The following SCAF4 variants were observed in gnomAD, a reference collection of about 807,000 sequenced individuals.
The protein encoded by SCAF4 is SR-related and CTD-associated factor 4.
A neutral mutation model predicts 129.8 loss-of-function variants in SCAF4; 25 were observed. The observed-to-expected ratio is 0.19, with a 90% confidence interval of 0.14 to 0.27. SCAF4 has a LOEUF of 0.27. Among genes scored for constraint, SCAF4 ranks in the 10% least tolerant of loss-of-function variants. SCAF4 has a pLI of 1.00. For missense variants in SCAF4, 1,246 were observed against 1,457.1 expected (o/e 0.86, Z 2.36); for synonymous variants, 551 against 497.7 (o/e 1.11, Z -1.43).
At chr21:31,723,609 G>GTTTGTGT (rs112184778) in intron 1 of SCAF4, among the ~76,000 whole-genome samples, 12 of 146,038 alleles carry the variant, frequency 8.2e-5, no homozygotes, top group African/African-American at 3.0e-4. Flanking sequence ...TGATTTATAT[G>GTTTGTGT]ATGTGTGTGT....
chr21:31,685,852 G>C, intron 16 of SCAF4, 119 bp from the exon 17 acceptor site: 4 of 931,932 alleles, frequency 4.3e-6, no homozygotes, highest in Non-Finnish European at 6.3e-6. Context: ...GTGCTTATTA[G>C]ACCAATTTAT....
At chr21:31,702,108 A>C (rs1322645573) in intron 5 of SCAF4, 136 bp downstream of exon 5, 1 of 1,352,534 alleles carries the variant, frequency 7.4e-7, no homozygotes, top group Non-Finnish European at 1.0e-6. Flanking sequence ...AATTATGGAA[A>C]GAAAATCATA....
At chr21:31,725,928 T>G (rs1213789157) in intron 1 of SCAF4, among the ~76,000 whole-genome samples, 1 of 152,204 alleles carries the variant, frequency 6.6e-6, no homozygotes, top group Non-Finnish European at 1.5e-5. Flanking sequence ...TGTAATAAGT[T>G]TATTGTTATT....
intron 1 of SCAF4, among the ~76,000 whole-genome samples, chr21:31,721,446 C>T (rs2051064736): frequency 6.6e-6 from 1 of 152,078 alleles, no homozygotes; most frequent in Non-Finnish European, 1.5e-5. Flanking sequence ...TTCCTTTAAG[C>T]AGGGTATTAT....
At position 31,672,070 on chromosome 21, in the gene SCAF4, C is replaced by G. The variant is rs774240859; in HGVS notation, c.2773G>C (p.Gly925Arg). Residue 925 changes from glycine to arginine, a missense_variant, in exon 20 of 20, where the codon GGG (glycine) becomes CGG (arginine). Physicochemically the swap from Gly to Arg is moderately radical, Grantham distance 125. Around this residue, in one of 6 missense-constraint regions of SCAF4, gnomAD observed 339 missense variants for 325.0 expected, o/e 1.04. Transcript: ENST00000286835. Reference sequence around the variant, plus strand: ...CCCCCTGGGCCTGGCCCTGGGCCCCCGAGCCCTGGCATTCCACCAGGCCTA... The same window carrying G: ...CCCCCTGGGCCTGGCCCTGGGCCCCGGAGCCCTGGCATTCCACCAGGCCTA... ...FVRPGGMPGLGGPGPGPGGPE... is the reference protein window; with the variant it reads ...FVRPGGMPGLRGPGPGPGGPE... The G allele has an allele frequency of 6.2e-7, 1 of 1,613,272 alleles. No homozygotes were observed. Among genetic ancestry groups the G allele is most frequent in the South Asian group, 1.1e-5 (1 of 91,062 alleles).
chr21:31,696,452 A>T, intron 8 of SCAF4, 117 bp downstream of exon 8: 2 of 1,127,966 alleles, frequency 1.8e-6, no homozygotes, highest in Non-Finnish European at 2.4e-6. Flanking sequence ...AACTAATACC[A>T]CAAATTTTAC....
intron 4 of SCAF4, 89 bp from the exon 5 acceptor site, chr21:31,702,468 T>C (rs867910744): frequency 8.7e-7 from 1 of 1,155,288 alleles, no homozygotes; most frequent in Middle Eastern, 2.7e-4. Context: ...GAAAACTCCC[T>C]AGGCTAATAT....
At chr21:31,682,164 AG>A (rs2123487050) in intron 19 of SCAF4, among the ~76,000 whole-genome samples, 1 of 152,274 alleles carries the variant, frequency 6.6e-6, no homozygotes, top group African/African-American at 2.4e-5. Context: ...GTGGCTCACG[AG>A]GTCAAGAGAT....
intron 19 of SCAF4, 64 bp from the exon 20 acceptor site, chr21:31,672,418 TTC>T (rs766335442): frequency 7.1e-6 from 9 of 1,261,486 alleles, no homozygotes; most frequent in Non-Finnish European, 1.0e-5. Flanking sequence ...TTCAGCTGTG[TTC>T]TGTGGCGCTT....
At chr21:31,683,198 T>C (rs2050035761) in intron 19 of SCAF4, among the ~76,000 whole-genome samples, 1 of 152,178 alleles carries the variant, frequency 6.6e-6, no homozygotes, top group Non-Finnish European at 1.5e-5. Context: ...ATGTAACAAA[T>C]GTTCCCCTCT....
At chr21:31,701,538 T>C (rs1000782791) in intron 6 of SCAF4, among the ~76,000 whole-genome samples, 2 of 152,208 alleles carry the variant, frequency 1.3e-5, no homozygotes, top group Non-Finnish European at 2.9e-5. Context: ...ATGAGCCACT[T>C]AGTAGTTCTA....
intron 16 of SCAF4, among the ~76,000 whole-genome samples, chr21:31,686,595 A>T (rs1371758659): frequency 6.8e-6 from 1 of 147,604 alleles, no homozygotes; most frequent in East Asian, 2.0e-4. Context: ...AACGTTAGCT[A>T]TTTTTTTTTT....
In SCAF4 at chr21:31,711,297, T is replaced by C. The variant is rs1360160384; in HGVS notation, c.31-4940A>G. 3.3e-5 allele frequency among the ~76,000 whole-genome samples: 5 copies of C among 152,236 alleles called. No homozygotes were observed. In the East Asian group the frequency reaches 7.7e-4, roughly 23 times the overall value. ...TGCTGTTAATATTTTATTGACTTATTTAATGCACAAATTCACCAAACGGTC... is the reference window on the plus strand; with the variant it reads ...TGCTGTTAATATTTTATTGACTTATCTAATGCACAAATTCACCAAACGGTC... On this transcript the variant is annotated intron_variant, in intron 1 of 19. Coordinates refer to ENST00000286835, the MANE Select transcript of SCAF4 (RefSeq NM_020706.2).
At chr21:31,704,735 A>C (rs1257034297) in intron 3 of SCAF4, among the ~76,000 whole-genome samples, 2 of 152,194 alleles carry the variant, frequency 1.3e-5, no homozygotes, top group Admixed American at 1.3e-4. Context: ...TATTGCAGTT[A>C]ATTTGTTGAC....
intron 1 of SCAF4, among the ~76,000 whole-genome samples, chr21:31,711,296 T>G (rs933622084): frequency 1.3e-5 from 2 of 152,232 alleles, no homozygotes; most frequent in African/African-American, 2.4e-5. Flanking sequence ...TATTGACTTA[T>G]TTAATGCACA....
At chr21:31,724,255 A>C (rs1228866618) in intron 1 of SCAF4, among the ~76,000 whole-genome samples, 1 of 152,196 alleles carries the variant, frequency 6.6e-6, no homozygotes, top group Non-Finnish European at 1.5e-5. Context: ...AAATGTAGAC[A>C]TGTCTCTCCT....
chr21:31,707,606 T>G (rs1022332876), intron 1 of SCAF4, among the ~76,000 whole-genome samples: 1 of 152,240 alleles, frequency 6.6e-6, no homozygotes, highest in African/African-American at 2.4e-5. Flanking sequence ...AAAGATATTG[T>G]GAAGTAAGTT....
intron 19 of SCAF4, among the ~76,000 whole-genome samples, chr21:31,676,331 C>A (rs1226317932): frequency 6.6e-6 from 1 of 152,176 alleles, no homozygotes. Context: ...GTTATTCTCT[C>A]CAGATCTCCT....
chr21:31,688,230 A>G, intron 16 of SCAF4, 77 bp downstream of exon 16: 1 of 1,423,380 alleles, frequency 7.0e-7, no homozygotes, highest in Non-Finnish European at 9.5e-7. Flanking sequence ...CTATGAATCC[A>G]GACATATATC....
Sources: gnomAD v4.1 joint callset for allele counts (sites outside exome capture counted in the v4.1 genomes callset) on GRCh38, gnomAD v4.1.1 for gene constraint, gnomAD v4.1.1 regional missense constraint, MANE v1.5 for transcripts, NCBI Gene and HGNC (gene_info 2026-07-23, HGNC 2026-07-21) for gene names.